The following CTSS variants were observed in gnomAD, a reference collection of about 807,000 sequenced individuals.
CTSS encodes cathepsin S.
Under a neutral mutation model 39.9 loss-of-function variants are expected in CTSS, and 15 were observed. That is an observed-to-expected ratio of 0.38 (90% CI 0.25 to 0.58). The LOEUF (loss-of-function observed/expected upper bound fraction) is 0.58. Among genes scored for constraint, CTSS ranks in the 20% least tolerant of loss-of-function variants. The pLI, the probability that CTSS is intolerant of heterozygous loss-of-function variation, is 0.70. For synonymous variants in CTSS, 126 were observed against 138.2 expected, an observed-to-expected ratio of 0.91 and a Z score of 0.62; for missense variants, 250 against 398.2, an observed-to-expected ratio of 0.63 and a Z score of 3.17.
chr1:150,753,940 C>CAAACAAAACA lies in CTSS; in HGVS notation c.399+1051_399+1060dup, dbSNP rs139647008. 9.3e-4 allele frequency among the ~76,000 whole-genome samples: 137 copies of CAAACAAAACA among 147,940 alleles called. 1 individual carries two copies. The highest frequency in any genetic ancestry group is 6.2e-3 in the East Asian group (30 of 4,810). On this transcript the variant is annotated intron_variant, in intron 4 of 7. Coordinates refer to ENST00000368985, the MANE Select transcript of CTSS (RefSeq NM_004079.5). The stretch of plus-strand genomic sequence containing the variant: ...TGGGCAACAGAGGGAGACCCTGTCT[C>CAAACAAAACA]AAACAAAACAAAACAAAACAAAACA...
intron 7 of CTSS, 90 bp from the exon 8 acceptor site, chr1:150,733,235 G>A (rs926536507): frequency 1.4e-5 from 13 of 916,450 alleles, no homozygotes; most frequent in Admixed American, 7.5e-5. Context: ...TCCTATAAGT[G>A]ATTACATATG....
At chr1:150,751,704 G>T in intron 5 of CTSS, 77 bp downstream of exon 5, 2 of 1,305,198 alleles carry the variant, frequency 1.5e-6, no homozygotes, top group South Asian at 1.3e-5. Flanking sequence ...CAATTGGCAT[G>T]GTGGCAAGCC....
In CTSS at chr1:150,750,421, C is replaced by T. The variant is rs1292118180; in HGVS notation, c.628-250G>A. On this transcript the variant is annotated intron_variant, in intron 5 of 7. Coordinates refer to ENST00000368985, the MANE Select transcript of CTSS (RefSeq NM_004079.5). ...CATGCAAAACTTGCCAGGACAATGG[C>T]CCCTCAGACTTTCAGGTGGACTGTA... 2.0e-5 allele frequency among the ~76,000 whole-genome samples: 3 copies of T among 152,214 alleles called. 1 individual carries two copies. The East Asian group carries it at 5.8e-4, about 29-fold the overall frequency.
chr1:150,751,867 T>C lies in CTSS; in HGVS notation c.541A>G (p.Asn181Asp), dbSNP rs751994684. Residue 181 changes from asparagine to aspartate, a missense_variant, in exon 5 of 8, where the codon AAT becomes GAT. By Grantham distance (23) the Asn-to-Asp change is conservative. Coordinates refer to ENST00000368985, the MANE Select transcript of CTSS (RefSeq NM_004079.5). ...STEKYGNKGC[N>D]GGFMTTAFQY... ...AAAGCCGTTGTCATGAAGCCACCAT[T>C]GCAGCCTTTGTTTCCATATTTTTCA... The C allele has an allele frequency of 3.1e-6, 5 of 1,614,096 alleles. No homozygotes were observed. Among genetic ancestry groups the C allele is most frequent in the Non-Finnish European group, 4.2e-6 (5 of 1,180,044 alleles).
intron 5 of CTSS, among the ~76,000 whole-genome samples, chr1:150,751,323 A>G (rs1653000616): frequency 6.6e-6 from 1 of 152,060 alleles, no homozygotes; most frequent in Non-Finnish European, 1.5e-5. Context: ...ATCTCGGCTC[A>G]CTGCACCTCC....
At chr1:150,751,673 C>A in intron 5 of CTSS, 108 bp downstream of exon 5, 1 of 919,760 alleles carries the variant, frequency 1.1e-6, no homozygotes. Context: ...TTCTCTCTCA[C>A]ACACAATACT....
rs896596641 is a variant in CTSS, at chr1:150,751,661, G to C, written c.627+120C>G. On this transcript the variant is annotated intron_variant, in intron 5 of 7. Coordinates refer to ENST00000368985, the MANE Select transcript of CTSS (RefSeq NM_004079.5). ...TGAGAATTTAAGAATTCCTCTTCAG[G>C]GTTCTCTCTCACACACAATACTGCT... is the stretch of plus-strand genomic sequence containing the variant. The C allele has an allele frequency of 1.3e-5, 10 of 777,994 alleles. No homozygotes were observed. The African/African-American group carries it at 1.6e-4, about 12-fold the overall frequency. 48.2% of individuals were successfully genotyped at this position (777,994 alleles called of 1,614,324 possible). A position where few individuals can be genotyped will look rare whatever the true frequency, so the allele number is the denominator to read the frequency against.
intron 7 of CTSS, among the ~76,000 whole-genome samples, chr1:150,733,688 G>C (rs931654947): frequency 6.6e-6 from 1 of 152,134 alleles, no homozygotes; most frequent in Non-Finnish European, 1.5e-5. Flanking sequence ...AATGAGCCAG[G>C]CATGGTGGCT....
Position 150,757,918 on chromosome 1 carries a change from G to A in CTSS, c.189C>T (p.Asn63=). ...AGTGCATTCCCATTGAATGCTCCAG[G>A]TTGTGAAGCATCACAAACTTTAGAT... ...EKNLKFVMLH[N]LEHSMGMHSY... The change falls in exon 3 of 8, where the codon AAC becomes AAT. Residue 63 remains asparagine, a synonymous_variant. Transcript: ENST00000368985. The A allele has an allele frequency of 6.2e-7, 1 of 1,612,974 alleles. No homozygotes were observed. The highest frequency in any genetic ancestry group is 8.5e-7 in the Non-Finnish European group (1 of 1,178,982).
chr1:150,745,516 G>A (rs775827759), intron 7 of CTSS, among the ~76,000 whole-genome samples: 61 of 152,024 alleles, frequency 4.0e-4, no homozygotes, highest in Non-Finnish European at 7.1e-4. Flanking sequence ...ATTAAAATTG[G>A]TCTGGTGTGG....
chr1:150,754,857 T>C (rs766065146), intron 4 of CTSS, 144 bp downstream of exon 4: 144 of 853,160 alleles, frequency 1.7e-4, no homozygotes, highest in Middle Eastern at 7.4e-4. Context: ...AAGGAACTTA[T>C]AATTTAGTTG....
At chr1:150,761,061 C>T (rs756072896) in intron 2 of CTSS, among the ~76,000 whole-genome samples, 8 of 151,496 alleles carry the variant, frequency 5.3e-5, no homozygotes, top group Non-Finnish European at 1.2e-4. Context: ...TGCCGGTAAT[C>T]CCAGCTACTC....
rs757613058 is a variant in CTSS at position 150,747,898 on chromosome 1, T to TG, written c.794-20dup. On this transcript the variant is annotated intron_variant, in intron 6 of 7. Coordinates refer to ENST00000368985, the MANE Select transcript of CTSS (RefSeq NM_004079.5). ...TAGACACCTGAGAATCAAATATGGGTGGGAAAAAAGAGTGAATACTATAGG... is the reference window on the plus strand; with the variant it reads ...TAGACACCTGAGAATCAAATATGGGTGGGGAAAAAAGAGTGAATACTATAGG... The TG allele has an allele frequency of 3.9e-6, 6 of 1,521,226 alleles. No individual in the cohort carries two copies. The highest frequency in any genetic ancestry group is 1.7e-5 in the Admixed American group (1 of 57,340). 94.2% of individuals were successfully genotyped at this position (1,521,226 alleles called of 1,614,324 possible). A position where few individuals can be genotyped will look rare whatever the true frequency, so the allele number is the denominator to read the frequency against.
chr1:150,748,453 AGTTTTTTTCTTTTTT>A (rs1397203624), intron 6 of CTSS, among the ~76,000 whole-genome samples: 5 of 151,884 alleles, frequency 3.3e-5, no homozygotes, highest in Non-Finnish European at 7.4e-5. Flanking sequence ...CCTTTTTCTA[AGTTTTTTTCTTTTTT>A]GTTTTTTTCT....
chr1:150,756,610 G>A (rs1433171033), intron 3 of CTSS, among the ~76,000 whole-genome samples: 1 of 151,810 alleles, frequency 6.6e-6, no homozygotes, highest in Non-Finnish European at 1.5e-5. Flanking sequence ...TAATCTTAAA[G>A]GACCACCATG....
chr1:150,743,021 T>C (rs1409018488), intron 7 of CTSS, among the ~76,000 whole-genome samples: 4 of 152,090 alleles, frequency 2.6e-5, no homozygotes, highest in African/African-American at 7.2e-5. Flanking sequence ...TAGGAGGTCA[T>C]TTTCAGAGAT....
intron 5 of CTSS, among the ~76,000 whole-genome samples, chr1:150,751,352 A>G (rs1653001700): frequency 6.6e-6 from 1 of 152,000 alleles, no homozygotes; most frequent in Admixed American, 6.6e-5. Context: ...AGTTCAAGCG[A>G]TTCTCCTGCT....
At chr1:150,740,277 A>G (rs373846383) in intron 7 of CTSS, among the ~76,000 whole-genome samples, 43 of 152,240 alleles carry the variant, frequency 2.8e-4, no homozygotes, top group African/African-American at 1.0e-3. Flanking sequence ...TTAGAGAAAC[A>G]ATTCTAAGTG....
intron 7 of CTSS, among the ~76,000 whole-genome samples, chr1:150,741,462 T>C (rs1464052978): frequency 6.6e-6 from 1 of 152,232 alleles, no homozygotes; most frequent in Non-Finnish European, 1.5e-5. Context: ...GTTAGGCATT[T>C]TTGGCTACTT....
Sources: gnomAD v4.1 joint callset for allele counts (sites outside exome capture counted in the v4.1 genomes callset) on GRCh38, gnomAD v4.1.1 for gene constraint, MANE v1.5 for transcripts, NCBI Gene and HGNC (gene_info 2026-07-23, HGNC 2026-07-21) for gene names.